Variants in SNX29 observed in about 807,000 individuals in gnomAD.
SNX29 encodes the protein sorting nexin-29.
In SNX29, 78 loss-of-function variants were observed where a neutral mutation model predicts 102.1. The ratio of observed to expected loss-of-function variants is 0.76; its 90% CI spans 0.64 to 0.92. SNX29 has a LOEUF of 0.92. Ranked by LOEUF, SNX29 falls within the 40% of genes least tolerant of loss-of-function variation. The pLI, the probability that SNX29 is intolerant of heterozygous loss-of-function variation, is 0.00. For missense variants in SNX29, 1,280 were observed against 1,061.7 expected (o/e 1.21, Z -2.86); for synonymous variants, 580 against 414.5 (o/e 1.40, Z -4.85).
chr16:12,068,229 C>A (rs1169373119), intron 9 of SNX29, among the ~76,000 whole-genome samples: 1 of 152,016 alleles, frequency 6.6e-6, no homozygotes, highest in Non-Finnish European at 1.5e-5. Context: ...GTAATCCCAG[C>A]ACTTTGGGAG....
At chr16:12,042,516 T>G (rs1178512333) in intron 4 of SNX29, among the ~76,000 whole-genome samples, 1 of 152,214 alleles carries the variant, frequency 6.6e-6, no homozygotes, top group Non-Finnish European at 1.5e-5. Flanking sequence ...TGTCTGTTGT[T>G]TGCCATCTTT....
At chr16:12,158,753 G>A (rs1321450814) in intron 13 of SNX29, among the ~76,000 whole-genome samples, 1 of 152,204 alleles carries the variant, frequency 6.6e-6, no homozygotes, top group African/African-American at 2.4e-5. Flanking sequence ...ATTTCCTGCC[G>A]TGTGACCTCA....
rs748557407 is a variant in SNX29 at position 12,048,446 on chromosome 16, G to T, written c.574G>T (p.Val192Phe). 7 of 1,613,872 alleles carry T rather than the reference G, an allele frequency of 4.3e-6. No homozygotes were observed. The highest frequency in any genetic ancestry group is 3.4e-6 in the Non-Finnish European group (4 of 1,179,868). ...CGGGCAGAGTAAGTTTGCTCCCACC[G>T]TTTCAGACCTCTTAAAGGAGTCAAC... ...LNGQSKFAPT[V>F]SDLLKESTQN... The change falls in exon 7 of 21, where the codon GTT (valine) becomes TTT (phenylalanine). Residue 192 changes from valine to phenylalanine, a missense_variant. Transcript: ENST00000566228.
At chr16:12,462,659 C>T (rs1176626891) in intron 18 of SNX29, among the ~76,000 whole-genome samples, 1 of 152,122 alleles carries the variant, frequency 6.6e-6, no homozygotes, top group Non-Finnish European at 1.5e-5. Context: ...TGTCTTAATT[C>T]CATGATTTCA....
intron 19 of SNX29, among the ~76,000 whole-genome samples, chr16:12,505,125 A>C (rs925675231): frequency 1.3e-5 from 2 of 152,204 alleles, no homozygotes; most frequent in Admixed American, 1.3e-4. Context: ...TAGAGGAAAA[A>C]ACAAAAAGAG....
At chr16:12,069,296 G>T (rs996338400) in intron 10 of SNX29, among the ~76,000 whole-genome samples, 164 bp downstream of exon 10, 2 of 151,926 alleles carry the variant, frequency 1.3e-5, no homozygotes, top group African/African-American at 2.4e-5. Flanking sequence ...GATGGAGCCC[G>T]GTTCTGTTGC....
intron 20 of SNX29, among the ~76,000 whole-genome samples, chr16:12,564,389 A>G (rs576775517): frequency 1.4e-5 from 2 of 139,406 alleles, no homozygotes; most frequent in Non-Finnish European, 3.1e-5. Context: ...CACCAACTGC[A>G]TAAATATGCA....
At chr16:12,431,013 C>T (rs778128450) in intron 18 of SNX29, among the ~76,000 whole-genome samples, 4 of 152,100 alleles carry the variant, frequency 2.6e-5, no homozygotes, top group South Asian at 2.1e-4. Context: ...CCACCACACC[C>T]GGCTATTTTT....
At chr16:12,379,586 A>G (rs2083001607) in intron 16 of SNX29, among the ~76,000 whole-genome samples, 1 of 152,220 alleles carries the variant, frequency 6.6e-6, no homozygotes, top group African/African-American at 2.4e-5. Flanking sequence ...CATCAGTTTC[A>G]AAAGGGTATT....
chr16:12,200,373 G>T (rs1230111133), intron 14 of SNX29, among the ~76,000 whole-genome samples: 2 of 152,026 alleles, frequency 1.3e-5, no homozygotes, highest in African/African-American at 2.4e-5. Flanking sequence ...ATTTAACTCT[G>T]GCTGATGTGT....
chr16:12,009,479 G>GTGTATATA (rs142139296), intron 3 of SNX29, among the ~76,000 whole-genome samples: 1 of 149,906 alleles, frequency 6.7e-6, no homozygotes, highest in Non-Finnish European at 1.5e-5. Flanking sequence ...GTGTGTGTGT[G>GTGTATATA]TATATATATA....
At chr16:12,485,243 G>T (rs940798493) in intron 19 of SNX29, among the ~76,000 whole-genome samples, 4 of 152,186 alleles carry the variant, frequency 2.6e-5, no homozygotes, top group Admixed American at 6.5e-5. Context: ...GGAGTTGACC[G>T]GTGAGCTGCC....
chr16:12,068,969 T>G, intron 9 of SNX29, 88 bp from the exon 10 acceptor site: 1 of 1,260,358 alleles, frequency 7.9e-7, no homozygotes, highest in Non-Finnish European at 1.1e-6. Flanking sequence ...ATGTAGCAGA[T>G]GAGCCAATGT....
At position 12,561,512 on chromosome 16, in the gene SNX29, C is replaced by T. The variant is rs117074658; in HGVS notation, c.2319-6994C>T. Among the ~76,000 whole-genome samples, 1,380 of 152,246 alleles carry T rather than the reference C, an allele frequency of 9.1e-3. 13 individuals carry two copies. Among genetic ancestry groups the T allele is most frequent in the Middle Eastern group, 0.014 (4 of 294 alleles). On this transcript the variant is annotated intron_variant, in intron 20 of 20. Coordinates refer to ENST00000566228, the MANE Select transcript of SNX29 (RefSeq NM_032167.5). ...CGCCAGACCCAGATCACAGGTGAAA[C>T]AAAGTGAAAAGTTAGTCTCTCCTCG...
chr16:12,039,757 G>A (rs1596664179), intron 4 of SNX29, among the ~76,000 whole-genome samples: 1 of 152,194 alleles, frequency 6.6e-6, no homozygotes, highest in Non-Finnish European at 1.5e-5. Flanking sequence ...ATTTTGCAGG[G>A]CAGTGTGATT....
intron 13 of SNX29, among the ~76,000 whole-genome samples, chr16:12,190,199 A>G (rs2076607414): frequency 6.6e-6 from 1 of 152,124 alleles, no homozygotes. Context: ...ACCCTGGCCT[A>G]GTGCTGGAGG....
intron 13 of SNX29, among the ~76,000 whole-genome samples, chr16:12,147,794 G>C (rs1303255621): frequency 1.3e-5 from 2 of 152,190 alleles, no homozygotes; most frequent in Non-Finnish European, 2.9e-5. Context: ...CCATGTCACT[G>C]AACATGAAGC....
intron 7 of SNX29, among the ~76,000 whole-genome samples, chr16:12,050,397 A>T (rs1466404654): frequency 6.6e-6 from 1 of 152,218 alleles, no homozygotes; most frequent in Non-Finnish European, 1.5e-5. Context: ...CTATATAACA[A>T]GTGATTTAAA....
At chr16:12,409,247 G>A (rs1345549918) in intron 18 of SNX29, among the ~76,000 whole-genome samples, 1 of 152,154 alleles carries the variant, frequency 6.6e-6, no homozygotes, top group Admixed American at 6.5e-5. Flanking sequence ...CCAGTACCTT[G>A]TTTTGCTGGG....
Sources: gnomAD v4.1 joint callset for allele counts (sites outside exome capture counted in the v4.1 genomes callset) on GRCh38, gnomAD v4.1.1 for gene constraint, MANE v1.5 for transcripts, NCBI Gene and HGNC (gene_info 2026-07-23, HGNC 2026-07-21) for gene names.